Variants in BMPR2 observed in about 807,000 individuals in gnomAD.
The protein encoded by BMPR2 is bone morphogenetic protein receptor type-2.
BMPR2 carries 29 observed loss-of-function variants against 100.8 expected under a neutral mutation model. The ratio of observed to expected loss-of-function variants is 0.29; its 90% confidence interval spans 0.21 to 0.39. The LOEUF (loss-of-function observed/expected upper bound fraction) is 0.39, where lower values mean the gene tolerates loss of function less well. BMPR2 is among the 10% of genes least tolerant of loss of function. The pLI is 1.00. For synonymous variants in BMPR2, 382 were observed against 442.3 expected (o/e 0.86, Z 1.71); for missense variants, 1,011 against 1,274.5 (o/e 0.79, Z 3.15).
intron 1 of BMPR2, among the ~76,000 whole-genome samples, chr2:202,458,686 CTTTT>C (rs920137024): frequency 3.9e-5 from 6 of 151,988 alleles, no homozygotes; most frequent in African/African-American, 1.2e-4. Flanking sequence ...AGATGGCTTT[CTTTT>C]TATTTGACGT....
intron 1 of BMPR2, among the ~76,000 whole-genome samples, chr2:202,417,862 G>A (rs774558252): frequency 9.2e-5 from 14 of 151,908 alleles, no homozygotes; most frequent in Non-Finnish European, 1.5e-4. Context: ...GGAACTACAG[G>A]TGGCCGCCAC....
intron 10 of BMPR2, among the ~76,000 whole-genome samples, chr2:202,549,623 C>G (rs1209005701): frequency 6.6e-6 from 1 of 151,846 alleles, no homozygotes; most frequent in Non-Finnish European, 1.5e-5. Flanking sequence ...GTGGTGCATA[C>G]CTGTAATCCC....
intron 4 of BMPR2, 75 bp downstream of exon 4, chr2:202,513,904 C>A: frequency 8.4e-7 from 1 of 1,185,982 alleles, no homozygotes; most frequent in Non-Finnish European, 1.2e-6. Flanking sequence ...CTTTTAAATT[C>A]CGTATGTTAA....
chr2:202,436,738 T>A (rs780345462), intron 1 of BMPR2, among the ~76,000 whole-genome samples: 1 of 150,568 alleles, frequency 6.6e-6, no homozygotes, highest in Non-Finnish European at 1.5e-5. Flanking sequence ...ATATATGTGG[T>A]CCTATTCCTA....
intron 3 of BMPR2, among the ~76,000 whole-genome samples, chr2:202,504,678 C>CTTTTTTT (rs144161668): frequency 2.7e-5 from 3 of 112,474 alleles, no homozygotes; most frequent in African/African-American, 6.9e-5. Context: ...ATAGTAGATT[C>CTTTTTTT]TTTTTTTTTT....
At chr2:202,437,737 G>A (rs926808129) in intron 1 of BMPR2, among the ~76,000 whole-genome samples, 2 of 150,514 alleles carry the variant, frequency 1.3e-5, no homozygotes, top group African/African-American at 5.0e-5. Context: ...TTGGTGACTG[G>A]CTTCTTTCAC....
chr2:202,475,847 G>A (rs551400224), intron 3 of BMPR2, among the ~76,000 whole-genome samples: 15 of 152,090 alleles, frequency 9.9e-5, no homozygotes, highest in African/African-American at 3.6e-4. Context: ...AAAGTGGGCA[G>A]ATCACCTAAG....
intron 1 of BMPR2, among the ~76,000 whole-genome samples, chr2:202,415,165 GACTTT>G (rs1691099082): frequency 6.6e-6 from 1 of 151,966 alleles, no homozygotes; most frequent in South Asian, 2.1e-4. Context: ...TACCATCTAG[GACTTT>G]TATAACTGGA....
intron 9 of BMPR2, among the ~76,000 whole-genome samples, chr2:202,540,947 T>C (rs1215663975): frequency 1.3e-5 from 2 of 152,166 alleles, no homozygotes; most frequent in South Asian, 2.1e-4. Flanking sequence ...TACTAGATCA[T>C]TGAGTGTTGG....
chr2:202,532,694 A>G lies in BMPR2; in HGVS notation c.1238A>G (p.Tyr413Cys). Residue 413 changes from tyrosine (Y) to cysteine (C), a missense_variant, in exon 9 of 13, where the codon TAT becomes TGT. Coordinates refer to ENST00000374580, the MANE Select transcript of BMPR2 (RefSeq NM_001204.7). The surrounding 1 kb of genome is among the most constrained non-coding windows in gnomAD (Gnocchi z 4.1). Reference protein sequence around the residue: ...QVDMYALGLIYWEIFMRCTDL... With the variant: ...QVDMYALGLICWEIFMRCTDL... ...GACATGTATGCTCTTGGACTAATCT[A>G]TTGGGAGATATTTATGAGATGTACA... is the stretch of plus-strand genomic sequence containing the variant. The G allele has an allele frequency of 1.9e-6, 3 of 1,613,632 alleles. No individual in the cohort carries two copies. Among genetic ancestry groups the G allele is most frequent in the South Asian group, 1.1e-5 (1 of 91,084 alleles).
intron 1 of BMPR2, among the ~76,000 whole-genome samples, chr2:202,449,332 T>A (rs1691928456): frequency 6.6e-6 from 1 of 150,872 alleles, no homozygotes; most frequent in Admixed American, 6.6e-5. Context: ...AATAAATAAA[T>A]AAATAAATAA....
chr2:202,504,623 A>G (rs948174127), intron 3 of BMPR2, among the ~76,000 whole-genome samples: 1 of 152,034 alleles, frequency 6.6e-6, no homozygotes, highest in Non-Finnish European at 1.5e-5. Flanking sequence ...ACACACTACC[A>G]ATAAAAGGAA....
chr2:202,517,726 G>A (rs560041663), intron 5 of BMPR2, among the ~76,000 whole-genome samples: 1 of 152,026 alleles, frequency 6.6e-6, no homozygotes, highest in Admixed American at 6.6e-5. Flanking sequence ...CTCCTTTCTA[G>A]GGTTCTCCCC....
intron 3 of BMPR2, among the ~76,000 whole-genome samples, chr2:202,484,964 G>T (rs752468076): frequency 1.9e-5 from 2 of 103,302 alleles, no homozygotes; most frequent in South Asian, 3.5e-4. Context: ...GTGAGACTCC[G>T]TCTCAAAAAA....
At chr2:202,459,712 G>A (rs1002107896) in intron 1 of BMPR2, among the ~76,000 whole-genome samples, 4 of 152,096 alleles carry the variant, frequency 2.6e-5, no homozygotes, top group African/African-American at 9.7e-5. Flanking sequence ...TCATGACGAT[G>A]CCAAAAGCAA....
chr2:202,494,691 T>C lies in BMPR2; in HGVS notation c.419-19028T>C, dbSNP rs72925087. ...AGAACAAGACAATTCAGGTATAACA[T>C]AGATGTAGCATATGTTATGTAAAAA... On this transcript the variant is annotated intron_variant, in intron 3 of 12. Transcript: ENST00000374580. Among the ~76,000 whole-genome samples the C allele has an allele frequency of 3.2e-3, 491 of 152,306 alleles. 2 individuals carry two copies. Among genetic ancestry groups the C allele is most frequent in the Middle Eastern group, 0.024 (7 of 294 alleles).
At chr2:202,456,770 C>T (rs1362444382) in intron 1 of BMPR2, among the ~76,000 whole-genome samples, 2 of 152,096 alleles carry the variant, frequency 1.3e-5, no homozygotes, top group Non-Finnish European at 2.9e-5. Flanking sequence ...CAGCCTCGGC[C>T]TCCTAAAGTG....
rs562109026 is a variant in BMPR2 at position 202,525,620 on chromosome 2, A to G, written c.968-5174A>G. Among the ~76,000 whole-genome samples the G allele has an allele frequency of 1.1e-3, 165 of 152,248 alleles. 1 individual carries two copies. Among genetic ancestry groups the G allele is most frequent in the Non-Finnish European group, 1.3e-3 (87 of 68,020 alleles). Reference sequence around the variant, plus strand: ...ACTCCTATGCTTGTTTGTTTCCCAGAACCTAGTGCACACTTAGCTCCAAAA... The same window carrying G: ...ACTCCTATGCTTGTTTGTTTCCCAGGACCTAGTGCACACTTAGCTCCAAAA... On this transcript the variant is annotated intron_variant, in intron 7 of 12. Transcript: ENST00000374580.
chr2:202,483,730 A>G (rs912043662), intron 3 of BMPR2, among the ~76,000 whole-genome samples: 7 of 152,012 alleles, frequency 4.6e-5, no homozygotes, highest in African/African-American at 1.4e-4. Flanking sequence ...ATGTAGTTCA[A>G]TTTATCTATT....
Sources: allele counts gnomAD v4.1 joint callset (sites outside exome capture counted in the v4.1 genomes callset), GRCh38; gene constraint gnomAD v4.1.1; non-coding constraint Gnocchi (gnomAD v3.1); transcripts MANE v1.5; gene names NCBI Gene and HGNC (gene_info 2026-07-23, HGNC 2026-07-21).